KCNQ1OT1: variants seen among roughly 807,000 people sequenced by gnomAD.
KCNQ1OT1 encodes the protein KCNQ1 antisense RNA 2 (non-protein coding).
exon 1 of KCNQ1OT1, chr11:2,656,376 GTCTC>G (rs1042465980): frequency 5.0e-6 from 2 of 398,460 alleles, no homozygotes; most frequent in African/African-American, 4.1e-5. Flanking sequence ...TCCTTCCCTG[GTCTC>G]TCTAAGGATG....
Position 2,669,395 on chromosome 11 carries a change from T to C in KCNQ1OT1, n.30600A>G, listed in dbSNP as rs751710090. ...TTATAGTTTTGGGGCTCCTGAAACA[T>C]GGCATCATGTGTCCCTTGTTTATTT... On this transcript the variant is annotated non_coding_transcript_exon_variant, in exon 1 of 1. Coordinates refer to ENST00000597346, the Ensembl canonical transcript of KCNQ1OT1. The surrounding 1 kb of genome is among the most constrained non-coding windows in gnomAD (Gnocchi z 5.6). 1.5e-5 allele frequency: 6 copies of C among 398,548 alleles called. No individual in the cohort carries two copies. The highest frequency in any genetic ancestry group is 2.2e-5 in the Non-Finnish European group (5 of 226,082). The allele number at this position is 398,548 out of a possible 1,614,324, so 24.7% of individuals were successfully genotyped here.
chr11:2,630,251 A>G (rs1216977359), exon 1 of KCNQ1OT1: 1 of 398,198 alleles, frequency 2.5e-6, no homozygotes, highest in African/African-American at 2.1e-5. Flanking sequence ...CTTATGTACT[A>G]AGGATAAATC....
rs1338348826 is a variant in KCNQ1OT1 at position 2,627,164 on chromosome 11, T to C, written n.72831A>G. On this transcript the variant is annotated non_coding_transcript_exon_variant, in exon 1 of 1. Coordinates refer to ENST00000597346, the Ensembl canonical transcript of KCNQ1OT1. The surrounding 1 kb of genome is among the most constrained non-coding windows in gnomAD (Gnocchi z 4.9). ...TGGTAAAGTTGGTTCCTAAGTTTGTTATTCTTGATGCTTTTTTCAGCTTTT... is the reference window on the plus strand; with the variant it reads ...TGGTAAAGTTGGTTCCTAAGTTTGTCATTCTTGATGCTTTTTTCAGCTTTT... 1 of 398,438 alleles carries C rather than the reference T, an allele frequency of 2.5e-6. No individual in the cohort carries two copies. Among genetic ancestry groups the C allele is most frequent in the African/African-American group, 2.1e-5 (1 of 48,624 alleles). The allele number at this position is 398,438 out of a possible 1,614,324, so 24.7% of individuals were successfully genotyped here.
At position 2,651,700 on chromosome 11, in the gene KCNQ1OT1, C is replaced by T. The variant is rs922816846; in HGVS notation, n.48295G>A. On this transcript the variant is annotated non_coding_transcript_exon_variant, in exon 1 of 1. Transcript: ENST00000597346. The surrounding 1 kb of genome is among the most constrained non-coding windows in gnomAD (Gnocchi z 6.1). Reference sequence around the variant, plus strand: ...TGGCCCTCTGTTTCCTGTAATAGGCCATTTCCTAAGTAAGCATCATCCTCA... The same window carrying T: ...TGGCCCTCTGTTTCCTGTAATAGGCTATTTCCTAAGTAAGCATCATCCTCA... 20 of 398,490 alleles carry T rather than the reference C, an allele frequency of 5.0e-5. No homozygotes were observed. The highest frequency in any genetic ancestry group is 3.7e-4 in the African/African-American group (18 of 48,612). The allele number at this position is 398,490 out of a possible 1,614,324, so 24.7% of individuals were successfully genotyped here.
chr11:2,614,984 A>G (rs1849038000), exon 1 of KCNQ1OT1: 3 of 398,320 alleles, frequency 7.5e-6, no homozygotes, highest in Non-Finnish European at 1.3e-5. Context: ...TCACTGGGTA[A>G]TATCGCCAAC....
exon 1 of KCNQ1OT1, chr11:2,685,179 A>T (rs1564857631): frequency 2.5e-6 from 1 of 398,626 alleles, no homozygotes; most frequent in Non-Finnish European, 4.4e-6. Flanking sequence ...ATCTGCATGG[A>T]ATGCCCCCTT....
chr11:2,609,865 A>G (rs967811426), exon 1 of KCNQ1OT1: 9 of 398,152 alleles, frequency 2.3e-5, no homozygotes, highest in East Asian at 1.1e-4. Flanking sequence ...CTTACATGAT[A>G]TATCTTTTTC....
chr11:2,660,801 A>G (rs1307754835), exon 1 of KCNQ1OT1: 1 of 398,492 alleles, frequency 2.5e-6, no homozygotes, highest in Non-Finnish European at 4.4e-6. Flanking sequence ...CAATCTAGCA[A>G]CATTTATTAA....
At chr11:2,689,106 A>G (rs1850546103) in exon 1 of KCNQ1OT1, 1 of 398,650 alleles carries the variant, frequency 2.5e-6, no homozygotes. Context: ...AGTCTGGCCC[A>G]AGGCCTGCCC....
Position 2,620,063 on chromosome 11 carries a change from C to T in KCNQ1OT1, n.79932G>A, listed in dbSNP as rs1053068726. The T allele has an allele frequency of 5.0e-6, 2 of 397,996 alleles. No individual in the cohort carries two copies. Among genetic ancestry groups the T allele is most frequent in the Non-Finnish European group, 8.8e-6 (2 of 226,010 alleles). The allele number at this position is 397,996 out of a possible 1,614,324, so 24.7% of individuals were successfully genotyped here. A position where few individuals can be genotyped will look rare whatever the true frequency, so the allele number is the denominator to read the frequency against. Reference sequence around the variant, plus strand: ...AGTGTCTACTGATCATCTTTATGTCCATGTTTACTCAGTGTTTAGGTCCCA... The same window carrying T: ...AGTGTCTACTGATCATCTTTATGTCTATGTTTACTCAGTGTTTAGGTCCCA... On this transcript the variant is annotated non_coding_transcript_exon_variant, in exon 1 of 1. Coordinates refer to ENST00000597346, the Ensembl canonical transcript of KCNQ1OT1. The surrounding 1 kb of genome is among the most constrained non-coding windows in gnomAD (Gnocchi z 4.5).
In KCNQ1OT1 at chr11:2,683,767, C is replaced by T; in HGVS notation, n.16228G>A. The T allele has an allele frequency of 2.5e-6, 1 of 398,620 alleles. No homozygotes were observed. Among genetic ancestry groups the T allele is most frequent in the Non-Finnish European group, 4.4e-6 (1 of 226,064 alleles). 24.7% of individuals were successfully genotyped at this position (398,620 alleles called of 1,614,324 possible). On this transcript the variant is annotated non_coding_transcript_exon_variant, in exon 1 of 1. Coordinates refer to ENST00000597346, the Ensembl canonical transcript of KCNQ1OT1. This position sits in a 1 kb window ranked among gnomAD's most constrained non-coding sequence, Gnocchi z 4.7. ...GAGGCAGCCCAGATGACATGGGCCT[C>T]TAAGGCTGGCTGCTCTTACTCTATA...
rs558606947 is a variant in KCNQ1OT1 at position 2,683,625 on chromosome 11, G to A, written n.16370C>T. The A allele has an allele frequency of 2.5e-6, 1 of 398,540 alleles. No homozygotes were observed. The highest frequency in any genetic ancestry group is 3.6e-5 in the East Asian group (1 of 28,080). 24.7% of individuals were successfully genotyped at this position (398,540 alleles called of 1,614,324 possible). On this transcript the variant is annotated non_coding_transcript_exon_variant, in exon 1 of 1. Transcript: ENST00000597346. The surrounding 1 kb of genome is among the most constrained non-coding windows in gnomAD (Gnocchi z 4.7). ...TTTCAAATACTGCTCTAGACAACTG[G>A]GCCCTGCATCTGCTGCAAGGAACAT...
Position 2,682,715 on chromosome 11 carries a change from T to A in KCNQ1OT1, n.17280A>T. On this transcript the variant is annotated non_coding_transcript_exon_variant, in exon 1 of 1. Transcript: ENST00000597346. This position sits in a 1 kb window ranked among gnomAD's most constrained non-coding sequence, Gnocchi z 5.8. ...CCAAAGTTGACCAGAATATCTCTAG[T>A]CATAAAGAATCTCTTCCCCTTGAGC... The A allele has an allele frequency of 2.5e-6, 1 of 398,570 alleles. No homozygotes were observed. The allele number at this position is 398,570 out of a possible 1,614,324, so 24.7% of individuals were successfully genotyped here. A position where few individuals can be genotyped will look rare whatever the true frequency, so the allele number is the denominator to read the frequency against.
exon 1 of KCNQ1OT1, chr11:2,686,070 A>T: frequency 2.5e-6 from 1 of 399,122 alleles, no homozygotes; most frequent in Non-Finnish European, 4.4e-6. Flanking sequence ...CAGGGGAAGG[A>T]CAGGGCCAGC....
At chr11:2,609,460 T>C (rs1848940415) in exon 1 of KCNQ1OT1, 1 of 398,444 alleles carries the variant, frequency 2.5e-6, no homozygotes, top group African/African-American at 2.1e-5. Context: ...TCTTGGAGAA[T>C]GTCTCATGTG....
At chr11:2,680,218 A>G in exon 1 of KCNQ1OT1, 1 of 398,282 alleles carries the variant, frequency 2.5e-6, no homozygotes, top group Non-Finnish European at 4.4e-6. Flanking sequence ...AAAAAAAAAA[A>G]AAAAAAAAAG....
exon 1 of KCNQ1OT1, chr11:2,616,950 A>G (rs1589983635): frequency 2.6e-6 from 1 of 381,450 alleles, no homozygotes; most frequent in Non-Finnish European, 4.5e-6. Context: ...CTGGCTGTAC[A>G]TTATCTTGTT....
At chr11:2,694,789 GA>G (rs1199163508) in exon 1 of KCNQ1OT1, 2 of 398,506 alleles carry the variant, frequency 5.0e-6, no homozygotes, top group African/African-American at 2.1e-5. Context: ...GCAGAGACTC[GA>G]AAGGTAGTCG....
At chr11:2,629,816 G>GT (rs201878433) in exon 1 of KCNQ1OT1, 5,744 of 397,510 alleles carry the variant, frequency 0.014, 59 homozygotes, top group Non-Finnish European at 0.018. Flanking sequence ...CTTCTAACAG[G>GT]TTTTTTTTGT....
Sources: allele counts gnomAD v4.1 joint callset, GRCh38; gene constraint gnomAD v4.1.1; non-coding constraint Gnocchi (gnomAD v3.1); transcripts MANE v1.5; gene names NCBI Gene and HGNC (gene_info 2026-07-23, HGNC 2026-07-21).